The following DACH2 variants were observed in gnomAD, a reference collection of about 807,000 sequenced individuals.
DACH2 encodes the protein dachshund family transcription factor 2, also known as dachshund homolog 2.
DACH2 carries 17 observed loss-of-function variants against 35.8 expected under a neutral mutation model. That is an observed-to-expected ratio of 0.48 (90% CI 0.33 to 0.71). DACH2 has a LOEUF of 0.71. Among genes scored for constraint, DACH2 ranks in the 30% least tolerant of loss-of-function variants. The pLI is 0.02. For synonymous variants in DACH2, 195 were observed against 177.3 expected (o/e 1.10, Z -0.79); for missense variants, 469 against 472.7 (o/e 0.99, Z 0.07).
chrX:86,683,508 T>C (rs1378189165), intron 4 of DACH2, among the ~76,000 whole-genome samples: 2 of 111,679 alleles, frequency 1.8e-5, no homozygotes, highest in African/African-American at 6.5e-5. Flanking sequence ...ACAATCTGCT[T>C]TAAGAGCAAC....
intron 7 of DACH2, among the ~76,000 whole-genome samples, chrX:86,780,234 C>T (rs1339583560): frequency 9.2e-6 from 1 of 108,243 alleles, no homozygotes; most frequent in African/African-American, 3.4e-5. Flanking sequence ...CATCAGCCCA[C>T]ACAAATGAGA....
intron 1 of DACH2, among the ~76,000 whole-genome samples, chrX:86,193,216 A>G (rs947698700): frequency 8.9e-6 from 1 of 111,911 alleles, no homozygotes; most frequent in Admixed American, 9.5e-5. Flanking sequence ...ACTTAAGCCC[A>G]TGCAGTTTTC....
rs753071852 is a variant in DACH2, at chrX:86,538,513, T to C, written c.640+24122T>C. 2.0e-4 allele frequency among the ~76,000 whole-genome samples: 22 copies of C among 111,886 alleles called. No individual in the cohort carries two copies. The Admixed American group carries it at 2.0e-3, about 10-fold the overall frequency. On this transcript the variant is annotated intron_variant, in intron 3 of 11. Transcript: ENST00000373125. ...ACTTGTATATCAGAATATCACAGAC[T>C]TGGTAATTTATGATGAGCAGAAATT...
At chrX:86,328,989 G>A (rs1310497681) in intron 1 of DACH2, among the ~76,000 whole-genome samples, 2 of 111,430 alleles carry the variant, frequency 1.8e-5, no homozygotes, top group African/African-American at 6.5e-5. Context: ...GAAAACTCCT[G>A]AAAAATAATA....
chrX:86,758,741 T>G (rs1353224225), intron 7 of DACH2, among the ~76,000 whole-genome samples: 1 of 112,259 alleles, frequency 8.9e-6, no homozygotes, highest in Non-Finnish European at 1.9e-5. Flanking sequence ...CTGTTAGGTC[T>G]ATTTGGTCTA....
intron 6 of DACH2, among the ~76,000 whole-genome samples, chrX:86,736,842 T>C (rs937019588): frequency 1.8e-5 from 2 of 111,589 alleles, no homozygotes; most frequent in Non-Finnish European, 3.8e-5. Context: ...TTTCCATTCA[T>C]TCAGAGGTCC....
At chrX:86,726,971 T>G (rs1237434434) in intron 6 of DACH2, among the ~76,000 whole-genome samples, 1 of 112,240 alleles carries the variant, frequency 8.9e-6, no homozygotes, top group African/African-American at 3.2e-5. Context: ...TGTGAATATC[T>G]ACTCACTGTT....
intron 2 of DACH2, among the ~76,000 whole-genome samples, chrX:86,431,730 T>G (rs1394023181): frequency 1.8e-5 from 2 of 111,490 alleles, no homozygotes; most frequent in Non-Finnish European, 3.8e-5. Flanking sequence ...AAATTTAAGG[T>G]TCTGAATAAT....
intron 3 of DACH2, among the ~76,000 whole-genome samples, chrX:86,592,321 ATAT>A (rs1355033868): frequency 9.0e-6 from 1 of 111,723 alleles, no homozygotes; most frequent in African/African-American, 3.3e-5. Flanking sequence ...AAAGTTGACT[ATAT>A]TTGTGTGGGT....
At chrX:86,152,325 G>T (rs1195831589) in intron 1 of DACH2, among the ~76,000 whole-genome samples, 3 of 110,705 alleles carry the variant, frequency 2.7e-5, no homozygotes, top group Non-Finnish European at 5.7e-5. Flanking sequence ...ACACAAAGTG[G>T]ACTGTTTTCA....
At chrX:86,490,529 G>GT (rs2038079748) in intron 2 of DACH2, among the ~76,000 whole-genome samples, 1 of 111,363 alleles carries the variant, frequency 9.0e-6, no homozygotes, top group Non-Finnish European at 1.9e-5. Context: ...GCCAAGATAT[G>GT]TAACGATGGA....
At chrX:86,739,207 A>G (rs770622317) in intron 6 of DACH2, among the ~76,000 whole-genome samples, 1 of 112,020 alleles carries the variant, frequency 8.9e-6, no homozygotes, top group African/African-American at 3.2e-5. Context: ...ATTCAACATA[A>G]GTTATTAAGG....
At chrX:86,750,223 T>C (rs2041758430) in intron 7 of DACH2, among the ~76,000 whole-genome samples, 1 of 111,262 alleles carries the variant, frequency 9.0e-6, no homozygotes, top group African/African-American at 3.3e-5. Flanking sequence ...ATGTGATTGG[T>C]GGGCTTTATA....
At chrX:86,587,350 A>T (rs749404879) in intron 3 of DACH2, among the ~76,000 whole-genome samples, 3 of 111,628 alleles carry the variant, frequency 2.7e-5, no homozygotes, top group Non-Finnish European at 5.7e-5. Flanking sequence ...GCATCATGAC[A>T]TCTCCAAATA....
chrX:86,337,334 T>A (rs1291540838), intron 1 of DACH2, among the ~76,000 whole-genome samples: 1 of 112,079 alleles, frequency 8.9e-6, no homozygotes, highest in Non-Finnish European at 1.9e-5. Flanking sequence ...TGAGAAAGGT[T>A]GGGTTACCCA....
chrX:86,313,909 G>A (rs189520488), intron 1 of DACH2, among the ~76,000 whole-genome samples: 3 of 111,596 alleles, frequency 2.7e-5, no homozygotes. Flanking sequence ...TCACATTTTG[G>A]TAATTCTTGC....
chrX:86,603,679 T>C (rs1436741763), intron 3 of DACH2, among the ~76,000 whole-genome samples: 1 of 111,595 alleles, frequency 9.0e-6, no homozygotes, highest in East Asian at 2.8e-4. Flanking sequence ...ACTTTCATTT[T>C]CATTGAATTC....
intron 1 of DACH2, among the ~76,000 whole-genome samples, chrX:86,286,081 A>G (rs1025132751): frequency 9.6e-6 from 1 of 103,976 alleles, no homozygotes. Flanking sequence ...CAACAAATCA[A>G]TGGTTCTTGT....
intron 1 of DACH2, among the ~76,000 whole-genome samples, chrX:86,228,621 A>T (rs1223643476): frequency 9.0e-6 from 1 of 111,080 alleles, no homozygotes; most frequent in Non-Finnish European, 1.9e-5. Flanking sequence ...CTACGCCAAC[A>T]TCTACTGTTT....
Sources: allele counts gnomAD v4.1 joint callset (sites outside exome capture counted in the v4.1 genomes callset), GRCh38; gene constraint gnomAD v4.1.1; transcripts MANE v1.5; gene names NCBI Gene and HGNC (gene_info 2026-07-23, HGNC 2026-07-21).